TENM3: variants seen among roughly 807,000 people sequenced by gnomAD.
TENM3 encodes the protein teneurin-3.
Under a neutral mutation model 255.1 loss-of-function variants are expected in TENM3, and 63 were observed. The observed-to-expected ratio is 0.25, with a 90% CI of 0.20 to 0.30. TENM3 has a LOEUF of 0.30. Among genes scored for constraint, TENM3 ranks in the 10% least tolerant of loss-of-function variants. TENM3 has a pLI of 1.00. For missense variants in TENM3, 2,929 were observed against 3,461.1 expected, an observed-to-expected ratio of 0.85 and a Z score of 3.86; for synonymous variants, 1,306 against 1,322.3, an observed-to-expected ratio of 0.99 and a Z score of 0.27.
chr4:182,198,491 C>A (rs1434183986), intron 1 of TENM3, among the ~76,000 whole-genome samples: 2 of 152,224 alleles, frequency 1.3e-5, no homozygotes, highest in African/African-American at 4.8e-5. Flanking sequence ...TTCAGCCAAC[C>A]CTTCCAGGTA....
chr4:181,470,500 A>G, the TENM3 span, among the ~76,000 whole-genome samples: 1 of 152,178 alleles, frequency 6.6e-6, no homozygotes, highest in Non-Finnish European at 1.5e-5. Flanking sequence ...GTGATATAGT[A>G]ACAAAATTCC....
At chr4:181,853,438 C>T in the TENM3 span, among the ~76,000 whole-genome samples, 1 of 152,150 alleles carries the variant, frequency 6.6e-6, no homozygotes, top group Non-Finnish European at 1.5e-5. Flanking sequence ...ATAAATGATC[C>T]TATAACATTT....
chr4:181,829,511 G>A, the TENM3 span, among the ~76,000 whole-genome samples: 2 of 152,084 alleles, frequency 1.3e-5, no homozygotes, highest in African/African-American at 2.4e-5. Context: ...GTAGTCAATC[G>A]GCCTAAAGTT....
At chr4:181,978,951 C>G in the TENM3 span, among the ~76,000 whole-genome samples, 2 of 144,340 alleles carry the variant, frequency 1.4e-5, no homozygotes, top group Non-Finnish European at 3.0e-5. Context: ...ATTAGGGACA[C>G]TTTGAAGTTT....
intron 26 of TENM3, among the ~76,000 whole-genome samples, chr4:182,795,260 A>C (rs1285766708): frequency 6.6e-6 from 1 of 152,140 alleles, no homozygotes; most frequent in East Asian, 1.9e-4. Context: ...TTCAAACCCC[A>C]TTATTTTGGC....
At chr4:181,681,917 C>T in the TENM3 span, among the ~76,000 whole-genome samples, 2 of 152,142 alleles carry the variant, frequency 1.3e-5, no homozygotes, top group Non-Finnish European at 2.9e-5. Flanking sequence ...TGAGGGAGCA[C>T]TCCAGTGGAC....
chr4:181,848,178 A>G, the TENM3 span, among the ~76,000 whole-genome samples: 12 of 152,222 alleles, frequency 7.9e-5, no homozygotes, highest in Non-Finnish European at 1.0e-4. Context: ...AAGCGAATTA[A>G]GAAAGAACAA....
At chr4:181,485,813 T>C in the TENM3 span, among the ~76,000 whole-genome samples, 1 of 152,088 alleles carries the variant, frequency 6.6e-6, no homozygotes, top group South Asian at 2.1e-4. Flanking sequence ...ATCAGTAAAA[T>C]AAGATAAAAT....
rs1051521591 is a variant in TENM3 at position 182,801,263 on chromosome 4, G to GA, written c.*918dup. 5 of 152,450 alleles carry GA rather than the reference G, an allele frequency of 3.3e-5. No homozygotes were observed. The highest frequency in any genetic ancestry group is 9.7e-5 in the African/African-American group (4 of 41,408). The allele number at this position is 152,450 out of a possible 1,614,324, so 9.4% of individuals were successfully genotyped here. On this transcript the variant is annotated 3_prime_UTR_variant, in exon 28 of 28. Transcript: ENST00000511685. Reference sequence around the variant, plus strand: ...AGTGTTAATATTTTTGTATTAGGTTGAAAAAATGTGCAAGCTTCTATCACT... The same window carrying GA: ...AGTGTTAATATTTTTGTATTAGGTTGAAAAAAATGTGCAAGCTTCTATCACT...
the TENM3 span, among the ~76,000 whole-genome samples, chr4:181,933,904 G>A: frequency 6.6e-6 from 1 of 152,072 alleles, no homozygotes; most frequent in East Asian, 1.9e-4. Flanking sequence ...GTGAAATTAA[G>A]GTGTATGGGA....
the TENM3 span, among the ~76,000 whole-genome samples, chr4:181,509,051 A>G: frequency 6.6e-6 from 1 of 151,808 alleles, no homozygotes; most frequent in Non-Finnish European, 1.5e-5. Context: ...AGAATGATGA[A>G]TTTGTTTTAA....
intron 1 of TENM3, among the ~76,000 whole-genome samples, chr4:182,259,379 C>T (rs1029239785): frequency 3.3e-5 from 5 of 152,126 alleles, no homozygotes; most frequent in African/African-American, 1.2e-4. Flanking sequence ...GTGGTGCAAA[C>T]ATGGGTTACT....
Position 182,508,922 on chromosome 4 carries a change from G to A in TENM3, c.512-92002G>A, listed in dbSNP as rs191900632. 1.4e-4 allele frequency among the ~76,000 whole-genome samples: 21 copies of A among 152,238 alleles called. No homozygotes were observed. In the East Asian group the frequency reaches 3.5e-3, roughly 25 times the overall value. ...ATGCCAGCTATAATGAGATATGAAC[G>A]TCCAGTAAATTTTCTTTTGCATGTA... On this transcript the variant is annotated intron_variant, in intron 3 of 27. Coordinates refer to ENST00000511685, the MANE Select transcript of TENM3 (RefSeq NM_001080477.4).
chr4:181,801,572 G>T, the TENM3 span, among the ~76,000 whole-genome samples: 1 of 146,550 alleles, frequency 6.8e-6, no homozygotes, highest in Non-Finnish European at 1.5e-5. Context: ...ATAAATCTGG[G>T]GTCTGCAAAC....
the TENM3 span, among the ~76,000 whole-genome samples, chr4:181,490,225 G>T: frequency 6.6e-6 from 1 of 151,920 alleles, no homozygotes; most frequent in African/African-American, 2.4e-5. Flanking sequence ...TTAACTATAC[G>T]CACCCTATTG....
chr4:181,804,140 G>T, the TENM3 span, among the ~76,000 whole-genome samples: 242 of 135,470 alleles, frequency 1.8e-3, no homozygotes, highest in Middle Eastern at 0.011. Flanking sequence ...GGGAGGGAGG[G>T]AGGGAGGAAC....
At chr4:181,906,360 G>T in the TENM3 span, 8 of 206,710 alleles carry the variant, frequency 3.9e-5, no homozygotes, top group African/African-American at 1.6e-4. Context: ...CCTCCTGTAC[G>T]AGAGAACTCT....
chr4:182,550,140 C>T (rs761629183), intron 3 of TENM3, among the ~76,000 whole-genome samples: 12 of 152,058 alleles, frequency 7.9e-5, no homozygotes, highest in Middle Eastern at 3.4e-3. Context: ...GGAAAGTTTA[C>T]GTTTAAAAAA....
chr4:181,816,587 G>C, the TENM3 span, among the ~76,000 whole-genome samples: 1 of 152,262 alleles, frequency 6.6e-6, no homozygotes, highest in East Asian at 1.9e-4. Flanking sequence ...TGGCTTTCTT[G>C]AAGGCACCCA....
Sources: gnomAD v4.1 joint callset for allele counts (sites outside exome capture counted in the v4.1 genomes callset) on GRCh38, gnomAD v4.1.1 for gene constraint, MANE v1.5 for transcripts, NCBI Gene and HGNC (gene_info 2026-07-23, HGNC 2026-07-21) for gene names.